SRRM1: variants seen among roughly 807,000 people sequenced by gnomAD.
SRRM1 encodes serine/arginine repetitive matrix protein 1.
A neutral mutation model predicts 110.2 loss-of-function variants in SRRM1; 19 were observed. The ratio of observed to expected loss-of-function variants is 0.17; its 90% confidence interval spans 0.12 to 0.25. The LOEUF is 0.25. SRRM1 is among the 10% of genes least tolerant of loss of function. The pLI is 1.00. For synonymous variants in SRRM1, 443 were observed against 414.9 expected, an observed-to-expected ratio of 1.07 and a Z score of -0.82; for missense variants, 918 against 1,145.8, an observed-to-expected ratio of 0.80 and a Z score of 2.87.
In SRRM1 at chr1:24,671,532, C is replaced by T. The variant is rs770201206; in HGVS notation, c.2547C>T (p.Ala849=). The T allele has an allele frequency of 2.5e-6, 4 of 1,608,508 alleles. No homozygotes were observed. The highest frequency in any genetic ancestry group is 2.7e-5 in the African/African-American group (2 of 74,362). Residue 849 remains alanine, a synonymous_variant, in exon 16 of 17, where the codon GCC becomes GCT. Transcript: ENST00000323848. ...AAAAAAVTPA[A]IAAATTTLAQ... The stretch of plus-strand genomic sequence containing the variant: ...CTGCAGCTGCTGTGACCCCTGCAGC[C>T]ATTGCAGCTGCCACAACCACATTAG...
chr1:24,658,363 AC>A (rs1381278823), intron 9 of SRRM1, among the ~76,000 whole-genome samples: 1 of 152,156 alleles, frequency 6.6e-6, no homozygotes, highest in African/African-American at 2.4e-5. Context: ...GGCACATGCC[AC>A]CACACCCAGC....
intron 5 of SRRM1, among the ~76,000 whole-genome samples, chr1:24,651,111 C>A (rs567510901): frequency 6.6e-6 from 1 of 152,298 alleles, no homozygotes; most frequent in East Asian, 1.9e-4. Flanking sequence ...TTTAAAGCAT[C>A]CTCTTTGCCT....
At chr1:24,652,114 TC>T (rs958909032) in intron 6 of SRRM1, among the ~76,000 whole-genome samples, 3 of 143,438 alleles carry the variant, frequency 2.1e-5, no homozygotes, top group African/African-American at 7.7e-5. Flanking sequence ...ATGCCTATAG[TC>T]CCAGCTACTC....
At chr1:24,652,778 G>C in intron 7 of SRRM1, 135 bp from the exon 8 acceptor site, 3 of 1,336,210 alleles carry the variant, frequency 2.2e-6, no homozygotes, top group Non-Finnish European at 2.0e-6. Flanking sequence ...ACTTTTCTGT[G>C]TACCATAAAA....
At chr1:24,656,251 G>A (rs1393730721) in intron 9 of SRRM1, among the ~76,000 whole-genome samples, 1 of 152,150 alleles carries the variant, frequency 6.6e-6, no homozygotes, top group Non-Finnish European at 1.5e-5. Flanking sequence ...GGCAAATTTT[G>A]CTTTCCTTTT....
Position 24,669,492 on chromosome 1 carries a change from A to C in SRRM1, c.2109A>C (p.Gly703=). 2 of 1,612,420 alleles carry C rather than the reference A, an allele frequency of 1.2e-6. No individual in the cohort carries two copies. The highest frequency in any genetic ancestry group is 1.7e-6 in the Non-Finnish European group (2 of 1,179,262). The part of the protein sequence containing the change: ...TSSSPPPVRR[G]ASSSPQRRQS... Reference sequence around the variant, plus strand: ...CAAGTCCTCCACCCGTTCGAAGAGGAGCGTCGTCATCACCCCAAAGAAGGC... The same window carrying C: ...CAAGTCCTCCACCCGTTCGAAGAGGCGCGTCGTCATCACCCCAAAGAAGGC... The change falls in exon 14 of 17, where the codon GGA becomes GGC. Residue 703 remains glycine, a synonymous_variant. Transcript: ENST00000323848.
intron 12 of SRRM1, among the ~76,000 whole-genome samples, chr1:24,663,570 G>T (rs1007857171): frequency 7.2e-5 from 11 of 151,952 alleles, no homozygotes; most frequent in African/African-American, 1.7e-4. Flanking sequence ...CCTTAGATTT[G>T]GGGGGAGGGA....
At chr1:24,643,962 AAC>A (rs1384965423) in intron 1 of SRRM1, among the ~76,000 whole-genome samples, 1 of 152,126 alleles carries the variant, frequency 6.6e-6, no homozygotes, top group Non-Finnish European at 1.5e-5. Flanking sequence ...GGACGTAGAT[AAC>A]TTGTTGGGAC....
At chr1:24,670,015 G>A (rs1671935120) in intron 14 of SRRM1, 105 bp from the exon 15 acceptor site, 4 of 992,108 alleles carry the variant, frequency 4.0e-6, no homozygotes, top group Middle Eastern at 2.2e-4. Flanking sequence ...AATCTAAGTG[G>A]TATATTTGAA....
chr1:24,646,097 G>T, intron 2 of SRRM1, 24 bp downstream of exon 2: 1 of 1,564,950 alleles, frequency 6.4e-7, no homozygotes, highest in Non-Finnish European at 8.8e-7. Flanking sequence ...TGAGACTGTT[G>T]TGCATCTTTA....
chr1:24,660,841 T>G (rs1351475474), intron 10 of SRRM1, 42 bp downstream of exon 10: 2 of 1,420,012 alleles, frequency 1.4e-6, no homozygotes, highest in Non-Finnish European at 1.9e-6. Flanking sequence ...TTTGTTTGTT[T>G]TTGTTTTTCT....
At chr1:24,652,182 T>G (rs2148358519) in intron 6 of SRRM1, among the ~76,000 whole-genome samples, 1 of 150,232 alleles carries the variant, frequency 6.7e-6, no homozygotes, top group Non-Finnish European at 1.5e-5. Flanking sequence ...ATCATGCCAG[T>G]ACACTCCAGC....
At chr1:24,656,887 A>G (rs16829898) in intron 9 of SRRM1, among the ~76,000 whole-genome samples, 5,910 of 152,272 alleles carry the variant, frequency 0.039, 354 homozygotes, top group African/African-American at 0.13. Context: ...ACTTTTTGCA[A>G]ACAAGACAAG....
intron 16 of SRRM1, 125 bp downstream of exon 16, chr1:24,671,720 C>T (rs934871479): frequency 1.1e-5 from 9 of 786,240 alleles, no homozygotes; most frequent in African/African-American, 1.7e-5. Flanking sequence ...ATAAAAGTCA[C>T]GTACCATACA....
Position 24,656,575 on chromosome 1 carries a change from C to T in SRRM1, c.1315+1446C>T, listed in dbSNP as rs77870755. On this transcript the variant is annotated intron_variant, in intron 9 of 16. Transcript: ENST00000323848. ...TCAGTCCATTTTCAGTTACCATGTCCAAATCTGATGCCCATGGCCCTGGCC... is the reference window on the plus strand; with the variant it reads ...TCAGTCCATTTTCAGTTACCATGTCTAAATCTGATGCCCATGGCCCTGGCC... Among the ~76,000 whole-genome samples the T allele has an allele frequency of 3.0e-3, 461 of 152,266 alleles. 3 individuals carry two copies. The highest frequency in any genetic ancestry group is 0.011 in the African/African-American group (438 of 41,554).
intron 13 of SRRM1, among the ~76,000 whole-genome samples, chr1:24,668,545 C>A (rs1448690699): frequency 6.6e-6 from 1 of 152,132 alleles, no homozygotes; most frequent in African/African-American, 2.4e-5. Flanking sequence ...GGAAATTAGG[C>A]AGTTTGGCCT....
At chr1:24,660,679 T>C in intron 9 of SRRM1, 40 bp from the exon 10 acceptor site, 1 of 1,176,480 alleles carries the variant, frequency 8.5e-7, no homozygotes, top group Non-Finnish European at 1.2e-6. Context: ...ATAGACCTTT[T>C]TTTGTACGTA....
intron 9 of SRRM1, among the ~76,000 whole-genome samples, chr1:24,660,419 A>G (rs1666553102): frequency 6.6e-6 from 1 of 152,244 alleles, no homozygotes; most frequent in African/African-American, 2.4e-5. Context: ...TATGACAACA[A>G]GGTCTTACAG....
intron 8 of SRRM1, 80 bp downstream of exon 8, chr1:24,653,112 T>C (rs1661950501): frequency 1.4e-6 from 2 of 1,391,622 alleles, no homozygotes; most frequent in African/African-American, 1.4e-5. Flanking sequence ...TGTAAATTAG[T>C]GTCCCCTGGA....
Sources: gnomAD v4.1 joint callset for allele counts (sites outside exome capture counted in the v4.1 genomes callset) on GRCh38, gnomAD v4.1.1 for gene constraint, MANE v1.5 for transcripts, NCBI Gene and HGNC (gene_info 2026-07-23, HGNC 2026-07-21) for gene names.